RBKS: variants seen among roughly 807,000 people sequenced by gnomAD.
The protein encoded by RBKS is ribokinase.
RBKS carries 33 observed loss-of-function variants against 33.9 expected under a neutral mutation model. The observed-to-expected ratio is 0.97, with a 90% CI of 0.74 to 1.30. RBKS has a LOEUF of 1.30. Ranked by LOEUF, RBKS falls within the 50% of genes most tolerant of loss-of-function variation. The pLI is 0.00. For missense variants in RBKS, 361 were observed against 392.6 expected, an observed-to-expected ratio of 0.92 and a Z score of 0.68; for synonymous variants, 125 against 143.0, an observed-to-expected ratio of 0.87 and a Z score of 0.90.
At chr2:27,850,312 C>G (rs963927123) in intron 2 of RBKS, among the ~76,000 whole-genome samples, 1 of 152,194 alleles carries the variant, frequency 6.6e-6, no homozygotes, top group African/African-American at 2.4e-5. Context: ...AACTGATAAA[C>G]CTACATGACA....
chr2:27,825,574 A>G (rs191812779), intron 7 of RBKS, among the ~76,000 whole-genome samples: 1 of 152,180 alleles, frequency 6.6e-6, no homozygotes, highest in Non-Finnish European at 1.5e-5. Context: ...CTCTGATAAG[A>G]GTGATTTGTA....
chr2:27,832,162 G>T (rs539445950), intron 6 of RBKS, among the ~76,000 whole-genome samples: 1 of 152,272 alleles, frequency 6.6e-6, no homozygotes, highest in Non-Finnish European at 1.5e-5. Context: ...ATGACACAGG[G>T]TCTTCACTAC....
chr2:27,888,619 T>C (rs1400276113), intron 1 of RBKS, among the ~76,000 whole-genome samples: 1 of 152,228 alleles, frequency 6.6e-6, no homozygotes, highest in Non-Finnish European at 1.5e-5. Context: ...ATTTAGTAAG[T>C]ACCATATAAC....
chr2:27,848,077 G>T lies in RBKS; in HGVS notation c.243C>A (p.Gly81=). Residue 81 remains glycine, a synonymous_variant, in exon 3 of 8, where the codon GGC becomes GGA. Transcript: ENST00000302188. The stretch of plus-strand genomic sequence containing the variant: ...GTTTTAAGTTTTCTATATAATCATT[G>T]CCAAAAGAATCTTTGCCAACCTGTA... ...MVCKVGKDSF[G]NDYIENLKQN... The T allele has an allele frequency of 1.3e-6, 2 of 1,503,306 alleles. No individual in the cohort carries two copies. The highest frequency in any genetic ancestry group is 1.8e-6 in the Non-Finnish European group (2 of 1,088,374). 93.1% of individuals were successfully genotyped at this position (1,503,306 alleles called of 1,614,324 possible). A position where few individuals can be genotyped will look rare whatever the true frequency, so the allele number is the denominator to read the frequency against.
intron 1 of RBKS, chr2:27,870,186 A>G (rs1237162218): frequency 6.6e-6 from 1 of 152,474 alleles, no homozygotes; most frequent in Admixed American, 6.5e-5. Context: ...GTCTCTTTCA[A>G]AATATCTGCT....
chr2:27,857,604 C>T (rs912539119), intron 2 of RBKS, among the ~76,000 whole-genome samples: 6 of 152,066 alleles, frequency 3.9e-5, no homozygotes, highest in African/African-American at 1.4e-4. Flanking sequence ...AAGAAGTTTC[C>T]AAAAGCTGTG....
At chr2:27,833,014 A>G (rs4666021) in intron 5 of RBKS, among the ~76,000 whole-genome samples, 32,929 of 152,100 alleles carry the variant, frequency 0.22, 4,449 homozygotes, top group East Asian at 0.63. Flanking sequence ...GCTTCCAGGG[A>G]AAAGAGCAAT....
intron 6 of RBKS, among the ~76,000 whole-genome samples, chr2:27,832,310 A>G (rs952742951): frequency 3.3e-5 from 5 of 152,214 alleles, no homozygotes; most frequent in African/African-American, 9.6e-5. Context: ...GTTATTTATT[A>G]TCTATCTGAA....
chr2:27,887,067 G>C (rs778869040), intron 1 of RBKS, among the ~76,000 whole-genome samples: 4 of 152,150 alleles, frequency 2.6e-5, no homozygotes, highest in Non-Finnish European at 2.9e-5. Flanking sequence ...GGGAAATTAA[G>C]GTTCCTAATA....
At chr2:27,792,074 G>A (rs932934125) in intron 7 of RBKS, among the ~76,000 whole-genome samples, 1 of 152,154 alleles carries the variant, frequency 6.6e-6, no homozygotes, top group Non-Finnish European at 1.5e-5. Flanking sequence ...TACTTCCTGG[G>A]TTTACTATTG....
chr2:27,834,272 T>C (rs1223011652), intron 5 of RBKS, among the ~76,000 whole-genome samples: 2 of 152,226 alleles, frequency 1.3e-5, no homozygotes, highest in Non-Finnish European at 2.9e-5. Flanking sequence ...GTGGGTCTTG[T>C]CCAGTATAGG....
intron 1 of RBKS, among the ~76,000 whole-genome samples, chr2:27,874,798 C>T (rs1664280238): frequency 6.6e-6 from 1 of 152,128 alleles, no homozygotes. Flanking sequence ...GGATTCCCTC[C>T]CTGGAGAGGC....
At chr2:27,865,823 GTAATC>G (rs1664089282) in intron 1 of RBKS, among the ~76,000 whole-genome samples, 1 of 152,022 alleles carries the variant, frequency 6.6e-6, no homozygotes, top group Non-Finnish European at 1.5e-5. Flanking sequence ...ACTTAAAAAT[GTAATC>G]TACTTTACAT....
chr2:27,823,821 T>C (rs1432018096), intron 7 of RBKS, among the ~76,000 whole-genome samples: 3 of 152,212 alleles, frequency 2.0e-5, no homozygotes, highest in Non-Finnish European at 2.9e-5. Flanking sequence ...GGCAATTCAG[T>C]GGAGAGTCTT....
At chr2:27,882,144 T>C (rs1664429188) in intron 1 of RBKS, among the ~76,000 whole-genome samples, 1 of 152,034 alleles carries the variant, frequency 6.6e-6, no homozygotes, top group South Asian at 2.1e-4. Flanking sequence ...ACCTACAGAA[T>C]GGGAGAAAAT....
intron 7 of RBKS, among the ~76,000 whole-genome samples, chr2:27,794,330 A>AATC (rs1224907266): frequency 2.0e-5 from 3 of 147,706 alleles, no homozygotes; most frequent in African/African-American, 7.4e-5. Flanking sequence ...TAATAATAAT[A>AATC]ATAATAATAA....
chr2:27,823,806 A>G (rs1417252172), intron 7 of RBKS, among the ~76,000 whole-genome samples: 2 of 152,226 alleles, frequency 1.3e-5, no homozygotes, highest in Non-Finnish European at 2.9e-5. Flanking sequence ...ACGCATATTC[A>G]GCAGGGCAAT....
At chr2:27,847,261 CCAT>C (rs1232022008) in intron 3 of RBKS, among the ~76,000 whole-genome samples, 157 bp from the exon 4 acceptor site, 1 of 151,984 alleles carries the variant, frequency 6.6e-6, no homozygotes, top group African/African-American at 2.4e-5. Flanking sequence ...TAATTTATAC[CCAT>C]CATCTATACA....
At chr2:27,856,901 C>T (rs1663868966) in intron 2 of RBKS, among the ~76,000 whole-genome samples, 3 of 152,200 alleles carry the variant, frequency 2.0e-5, no homozygotes, top group Non-Finnish European at 4.4e-5. Context: ...CCACCTCTCA[C>T]AGACCCATAA....
Sources: gnomAD v4.1 joint callset for allele counts (sites outside exome capture counted in the v4.1 genomes callset) on GRCh38, gnomAD v4.1.1 for gene constraint, MANE v1.5 for transcripts, NCBI Gene and HGNC (gene_info 2026-07-23, HGNC 2026-07-21) for gene names.